Variants in UBE2F observed in about 807,000 individuals in gnomAD.
UBE2F encodes the protein ubiquitin conjugating enzyme E2 F (putative).
UBE2F carries 5 observed loss-of-function variants against 29.6 expected under a neutral mutation model. That is an observed-to-expected ratio of 0.17 (90% CI 0.09 to 0.36). The LOEUF is 0.36. UBE2F is among the 10% of genes least tolerant of loss of function. The pLI is 1.00. For missense variants in UBE2F, 141 were observed against 228.5 expected (o/e 0.62, Z 2.47); for synonymous variants, 66 against 81.8 (o/e 0.81, Z 1.04).
chr2:237,972,963 G>A (rs2063206264), intron 1 of UBE2F, 129 bp from the exon 2 acceptor site: 1 of 993,294 alleles, frequency 1.0e-6, no homozygotes, highest in African/African-American at 1.6e-5. Context: ...TTATTAATGT[G>A]TACAAATTTT....
chr2:238,029,605 A>C (rs1374532811), intron 6 of UBE2F, among the ~76,000 whole-genome samples: 1 of 152,154 alleles, frequency 6.6e-6, no homozygotes, highest in African/African-American at 2.4e-5. Flanking sequence ...CAAAAAAAAA[A>C]AAAAAAACCC....
At chr2:238,030,721 C>A in intron 7 of UBE2F, 108 bp downstream of exon 7, 1 of 819,388 alleles carries the variant, frequency 1.2e-6, no homozygotes, top group Non-Finnish European at 2.1e-6. Flanking sequence ...CACATCCACA[C>A]CAGTGGCCGG....
At chr2:238,033,663 GTCTT>G (rs1260657027) in intron 8 of UBE2F, among the ~76,000 whole-genome samples, 2 of 152,180 alleles carry the variant, frequency 1.3e-5, no homozygotes, top group African/African-American at 2.4e-5. Flanking sequence ...CCCACCTTTT[GTCTT>G]TCTGTCAGAT....
chr2:238,010,155 T>G (rs1357319321), intron 4 of UBE2F, among the ~76,000 whole-genome samples: 1 of 151,482 alleles, frequency 6.6e-6, no homozygotes, highest in African/African-American at 2.4e-5. Context: ...TACAGGTAGA[T>G]AGATAGATTG....
rs1457593346 is a variant in UBE2F at position 238,025,398 on chromosome 2, G to A, written c.339G>A (p.Gly113=). The A allele has an allele frequency of 1.2e-6, 2 of 1,613,892 alleles. No homozygotes were observed. The highest frequency in any genetic ancestry group is 1.3e-5 in the African/African-American group (1 of 75,046). Residue 113 remains glycine (G), a synonymous_variant, in exon 6 of 10, where the codon GGG becomes GGA. Coordinates refer to ENST00000272930, the MANE Select transcript of UBE2F (RefSeq NM_080678.3). ...GGCACCCCAACATCACAGAGACAGGGGAAATATGTCTGAGGTGAGTTTATT... is the reference window on the plus strand; with the variant it reads ...GGCACCCCAACATCACAGAGACAGGAGAAATATGTCTGAGGTGAGTTTATT... ...KIWHPNITET[G]EICLSLLREH...
chr2:237,997,984 A>G (rs2063723107), intron 4 of UBE2F, among the ~76,000 whole-genome samples: 1 of 152,246 alleles, frequency 6.6e-6, no homozygotes, highest in Non-Finnish European at 1.5e-5. Context: ...TTAGTGGGAC[A>G]GTTTGAAAAA....
At chr2:238,031,266 CCCTCT>C (rs1238231543) in intron 7 of UBE2F, among the ~76,000 whole-genome samples, 2 of 152,220 alleles carry the variant, frequency 1.3e-5, no homozygotes, top group African/African-American at 2.4e-5. Context: ...TGGAAGGCGG[CCCTCT>C]CCTCCAGCCC....
intron 4 of UBE2F, among the ~76,000 whole-genome samples, chr2:237,997,870 G>A (rs1196937627): frequency 2.6e-5 from 4 of 152,202 alleles, no homozygotes; most frequent in African/African-American, 4.8e-5. Flanking sequence ...GAAAAAAAGC[G>A]TCCACATCAT....
intron 3 of UBE2F, 24 bp downstream of exon 3, chr2:237,988,016 TA>T: frequency 6.9e-7 from 1 of 1,452,424 alleles, no homozygotes; most frequent in Non-Finnish European, 9.3e-7. Context: ...CCCCAAACAC[TA>T]AGTACTGTGA....
At chr2:237,968,988 T>C in intron 1 of UBE2F, 1 of 311,020 alleles carries the variant, frequency 3.2e-6, no homozygotes, top group Non-Finnish European at 4.7e-6. Context: ...TTTACAGCTA[T>C]GGCAACATTC....
chr2:238,001,955 AT>A (rs1209384910), intron 4 of UBE2F, among the ~76,000 whole-genome samples: 1 of 152,220 alleles, frequency 6.6e-6, no homozygotes, highest in Non-Finnish European at 1.5e-5. Flanking sequence ...ACATTGAGTC[AT>A]AAACGTTTAG....
rs2063069560 is a variant in UBE2F at position 237,967,085 on chromosome 2, G to A, written c.-64G>A. ...GTCTCGCAGCAGCCGCCCGGACCGG[G>A]CATGGTGTTGGGCGCCGGGCCCGCC... On this transcript the variant is annotated 5_prime_UTR_variant, in exon 1 of 10. Coordinates refer to ENST00000272930, the MANE Select transcript of UBE2F (RefSeq NM_080678.3). The surrounding 1 kb of genome is among the most constrained non-coding windows in gnomAD (Gnocchi z 6.3). 9 of 1,348,562 alleles carry A rather than the reference G, an allele frequency of 6.7e-6. No individual in the cohort carries two copies. Among genetic ancestry groups the A allele is most frequent in the South Asian group, 3.4e-5 (2 of 58,186 alleles). 83.5% of individuals were successfully genotyped at this position (1,348,562 alleles called of 1,614,324 possible).
intron 1 of UBE2F, among the ~76,000 whole-genome samples, chr2:237,969,413 G>T (rs1221717649): frequency 6.6e-6 from 1 of 152,192 alleles, no homozygotes; most frequent in African/African-American, 2.4e-5. Flanking sequence ...CCTGGTGCTT[G>T]CTGTTCTGTG....
chr2:237,991,609 C>CTTTCTTTT lies in UBE2F; in HGVS notation c.149-3132_149-3131insCTTTTTTT, dbSNP rs57180067. 1.1e-4 allele frequency among the ~76,000 whole-genome samples: 6 copies of CTTTCTTTT among 53,048 alleles called. 1 individual carries two copies. In the South Asian group the frequency reaches 1.8e-3, roughly 16 times the overall value. 34.8% of individuals were successfully genotyped at this position (53,048 alleles called of 152,430 possible). A position where few individuals can be genotyped will look rare whatever the true frequency, so the allele number is the denominator to read the frequency against. ...AACCTTTCTTTTCTTTTCTTTCTTT[C>CTTTCTTTT]TTTTTTTTTTTTTGAGACAGTCTTG... On this transcript the variant is annotated intron_variant, in intron 3 of 9. Coordinates refer to ENST00000272930, the MANE Select transcript of UBE2F (RefSeq NM_080678.3).
intron 4 of UBE2F, among the ~76,000 whole-genome samples, chr2:237,995,113 C>A (rs1232924047): frequency 6.6e-6 from 1 of 152,148 alleles, no homozygotes; most frequent in African/African-American, 2.4e-5. Context: ...GGTTCCAATC[C>A]TTTTCCCTTA....
At chr2:237,975,009 T>G (rs996902486) in intron 2 of UBE2F, among the ~76,000 whole-genome samples, 8 of 152,188 alleles carry the variant, frequency 5.3e-5, no homozygotes, top group Admixed American at 1.3e-4. Context: ...TGACCTCAGG[T>G]GAGCCACCCG....
At chr2:238,005,140 TG>T (rs1160350273) in intron 4 of UBE2F, among the ~76,000 whole-genome samples, 1 of 152,196 alleles carries the variant, frequency 6.6e-6, no homozygotes, top group East Asian at 1.9e-4. Context: ...AGTTTGTGTT[TG>T]TTGTGTCCTA....
At chr2:237,984,050 T>C (rs7422865) in intron 2 of UBE2F, among the ~76,000 whole-genome samples, 130,490 of 149,514 alleles carry the variant, frequency 0.87, 57,199 homozygotes, top group East Asian at 0.97. Context: ...CCTCCTCTTC[T>C]TACCCCTTCC....
chr2:238,024,419 C>T (rs2064366536), intron 5 of UBE2F, among the ~76,000 whole-genome samples: 1 of 152,144 alleles, frequency 6.6e-6, no homozygotes, highest in Non-Finnish European at 1.5e-5. Context: ...GATCATAGCT[C>T]ACTGCAGCCT....
Sources: allele counts gnomAD v4.1 joint callset (sites outside exome capture counted in the v4.1 genomes callset), GRCh38; gene constraint gnomAD v4.1.1; non-coding constraint Gnocchi (gnomAD v3.1); transcripts MANE v1.5; gene names NCBI Gene and HGNC (gene_info 2026-07-23, HGNC 2026-07-21).